The following PPFIA2 variants were observed in gnomAD, a reference collection of about 807,000 sequenced individuals.
The protein encoded by PPFIA2 is liprin-alpha-2.
In PPFIA2, 46 loss-of-function variants were observed where a neutral mutation model predicts 175.5. The ratio of observed to expected loss-of-function variants is 0.26; its 90% CI spans 0.21 to 0.34. PPFIA2 has a LOEUF of 0.34. Among genes scored for constraint, PPFIA2 ranks in the 10% least tolerant of loss-of-function variants. The pLI, the probability that PPFIA2 is intolerant of heterozygous loss-of-function variation, is 1.00. For missense variants in PPFIA2, 1,179 were observed against 1,506.1 expected, an observed-to-expected ratio of 0.78 and a Z score of 3.60; for synonymous variants, 568 against 511.4, an observed-to-expected ratio of 1.11 and a Z score of -1.49.
At position 81,460,162 on chromosome 12, in the gene PPFIA2, C is replaced by T. The variant is rs531244956; in HGVS notation, c.304-2296G>A. 2.4e-4 allele frequency among the ~76,000 whole-genome samples: 37 copies of T among 152,192 alleles called. No homozygotes were observed. The South Asian group carries it at 5.4e-3, about 22-fold the overall frequency. On this transcript the variant is annotated intron_variant, in intron 4 of 32. Coordinates refer to ENST00000549396, the MANE Select transcript of PPFIA2 (RefSeq NM_003625.5). The stretch of plus-strand genomic sequence containing the variant: ...TCTCACATTGAATTGTAACAATCCC[C>T]ACGTGTCAAGGGCAGGAACAGGTGG...
At chr12:81,329,448 C>G (rs1036231938) in intron 21 of PPFIA2, among the ~76,000 whole-genome samples, 1 of 152,138 alleles carries the variant, frequency 6.6e-6, no homozygotes, top group African/African-American at 2.4e-5. Flanking sequence ...CAAGACCACT[C>G]CTAAGGTGTG....
chr12:81,569,393 A>G lies in PPFIA2; in HGVS notation c.303+107398T>C. 1.3e-5 allele frequency among the ~76,000 whole-genome samples: 2 copies of G among 152,182 alleles called. 1 individual carries two copies. The highest frequency in any genetic ancestry group is 3.8e-4 in the East Asian group (2 of 5,196). ...AAAAAGTAATGTGCATTTACTCCAC[A>G]ACGATTTGAAAGTGTGAATAAAAAG... is the stretch of plus-strand genomic sequence containing the variant. On this transcript the variant is annotated intron_variant, in intron 4 of 32. Transcript: ENST00000549396.
At chr12:81,395,299 A>T (rs1335336261) in intron 8 of PPFIA2, among the ~76,000 whole-genome samples, 3 of 152,118 alleles carry the variant, frequency 2.0e-5, no homozygotes, top group Non-Finnish European at 4.4e-5. Flanking sequence ...AATTTTATTG[A>T]AGAACATAAA....
intron 13 of PPFIA2, 73 bp from the exon 14 acceptor site, chr12:81,367,243 CT>C: frequency 1.0e-6 from 1 of 971,676 alleles, no homozygotes; most frequent in African/African-American, 1.7e-5. Context: ...TGATTAATAT[CT>C]TATCACTCAA....
intron 4 of PPFIA2, 187 bp downstream of exon 4, chr12:81,676,604 A>T: frequency 2.7e-6 from 1 of 374,400 alleles, no homozygotes. Context: ...AGTTGTTAAA[A>T]CTTTTTAATA....
chr12:81,747,147 T>C (rs2083173807), intron 3 of PPFIA2, among the ~76,000 whole-genome samples: 1 of 143,960 alleles, frequency 6.9e-6, no homozygotes, highest in Admixed American at 7.3e-5. Context: ...AAAAAATAAC[T>C]AGAAGAGAGA....
intron 4 of PPFIA2, among the ~76,000 whole-genome samples, chr12:81,462,741 C>T (rs1023969204): frequency 2.6e-5 from 4 of 151,232 alleles, no homozygotes; most frequent in Non-Finnish European, 4.4e-5. Flanking sequence ...TGCTGAAGCT[C>T]ACTATTATGA....
chr12:81,550,547 C>G (rs541579039), intron 4 of PPFIA2, among the ~76,000 whole-genome samples: 2 of 152,022 alleles, frequency 1.3e-5, no homozygotes, highest in East Asian at 3.9e-4. Context: ...GGATCTGAAA[C>G]AGATTTCCTG....
intron 4 of PPFIA2, among the ~76,000 whole-genome samples, chr12:81,647,586 C>A (rs1239749440): frequency 1.3e-5 from 2 of 151,176 alleles, no homozygotes; most frequent in Non-Finnish European, 2.9e-5. Context: ...ATGGTGAAAC[C>A]CTGTCTCTAC....
chr12:81,499,569 CT>C (rs879869625), intron 4 of PPFIA2, among the ~76,000 whole-genome samples: 1 of 152,146 alleles, frequency 6.6e-6, no homozygotes, highest in Admixed American at 6.6e-5. Flanking sequence ...TAGCTTTGTA[CT>C]GTGCTAAACA....
intron 8 of PPFIA2, among the ~76,000 whole-genome samples, chr12:81,402,014 T>C (rs1308700564): frequency 6.6e-6 from 1 of 152,198 alleles, no homozygotes; most frequent in Non-Finnish European, 1.5e-5. Flanking sequence ...ATAAGGCCTA[T>C]TTCAGATTGT....
chr12:81,376,936 A>T (rs1453858318), intron 9 of PPFIA2, among the ~76,000 whole-genome samples: 1 of 151,898 alleles, frequency 6.6e-6, no homozygotes, highest in Non-Finnish European at 1.5e-5. Context: ...ATAAACAGAC[A>T]GCCTTTCTTC....
In PPFIA2 at chr12:81,581,070, C is replaced by G. The variant is rs996323818; in HGVS notation, c.303+95721G>C. Among the ~76,000 whole-genome samples the G allele has an allele frequency of 6.7e-5, 10 of 149,536 alleles. No homozygotes were observed. In the East Asian group the frequency reaches 9.9e-4, roughly 15 times the overall value. On this transcript the variant is annotated intron_variant, in intron 4 of 32. Transcript: ENST00000549396. ...GAAGAAACAGTGAGATTTTAGCACA[C>G]AGAAGTAGAAAATGGGGAAAGGATG...
chr12:81,418,272 C>G (rs1273216878), intron 7 of PPFIA2, among the ~76,000 whole-genome samples: 2 of 151,724 alleles, frequency 1.3e-5, no homozygotes, highest in Non-Finnish European at 3.0e-5. Flanking sequence ...TTACTGGAAC[C>G]AAGTAAATAC....
chr12:81,402,436 A>T (rs1254487643), intron 8 of PPFIA2, among the ~76,000 whole-genome samples: 1 of 152,138 alleles, frequency 6.6e-6, no homozygotes, highest in Non-Finnish European at 1.5e-5. Context: ...GTCATGGAGG[A>T]TGATTTTGAT....
chr12:81,748,675 A>G lies in PPFIA2; in HGVS notation c.249+5298T>C, dbSNP rs567818386. On this transcript the variant is annotated intron_variant, in intron 3 of 32. Transcript: ENST00000549396. ...AAGTTAGTCCAGCCAAGATCAGCCA[A>G]TTCAAGATCAGCTGAATCCCACAAA... is the stretch of plus-strand genomic sequence containing the variant. Among the ~76,000 whole-genome samples the G allele has an allele frequency of 2.1e-5, 3 of 144,966 alleles. 1 individual carries two copies. The highest frequency in any genetic ancestry group is 4.5e-4 in the South Asian group (2 of 4,408).
chr12:81,332,323 C>T (rs776740906), intron 21 of PPFIA2, among the ~76,000 whole-genome samples: 2 of 152,190 alleles, frequency 1.3e-5, no homozygotes, highest in Non-Finnish European at 2.9e-5. Context: ...GTACCCACTT[C>T]CTATTTAACC....
intron 4 of PPFIA2, among the ~76,000 whole-genome samples, chr12:81,584,304 G>C (rs147278192): frequency 1.7e-4 from 26 of 151,998 alleles, no homozygotes; most frequent in African/African-American, 5.5e-4. Context: ...TCGAAATACA[G>C]TTAATGTATA....
chr12:81,267,268 C>T (rs775849562), intron 29 of PPFIA2: 3 of 564,498 alleles, frequency 5.3e-6, no homozygotes, highest in African/African-American at 1.9e-5. Flanking sequence ...GAGGCTTTGG[C>T]CTCACTTCGT....
Sources: allele counts gnomAD v4.1 joint callset (sites outside exome capture counted in the v4.1 genomes callset), GRCh38; gene constraint gnomAD v4.1.1; transcripts MANE v1.5; gene names NCBI Gene and HGNC (gene_info 2026-07-23, HGNC 2026-07-21).